NCKAP5: variants seen among roughly 807,000 people sequenced by gnomAD.
NCKAP5 encodes the protein NCK associated protein 5, also known as nck-associated protein 5.
In NCKAP5, 92 loss-of-function variants were observed where a neutral mutation model predicts 167.0. That is an observed-to-expected ratio of 0.55 (90% CI 0.47 to 0.66). The LOEUF (loss-of-function observed/expected upper bound fraction) is 0.66. Among genes scored for constraint, NCKAP5 ranks in the 30% least tolerant of loss-of-function variants. The pLI is 0.00. For missense variants in NCKAP5, 2,378 were observed against 2,315.0 expected (o/e 1.03, Z -0.56); for synonymous variants, 891 against 877.4 (o/e 1.02, Z -0.27).
chr2:133,630,131 A>T, the NCKAP5 span, among the ~76,000 whole-genome samples: 1 of 152,202 alleles, frequency 6.6e-6, no homozygotes, highest in African/African-American at 2.4e-5. Flanking sequence ...CATGGACCCC[A>T]GAACTTAAAG....
chr2:133,412,260 A>G (rs146664884), intron 3 of NCKAP5, among the ~76,000 whole-genome samples: 262 of 152,276 alleles, frequency 1.7e-3, no homozygotes, highest in African/African-American at 5.4e-3. Context: ...GGGGATAATG[A>G]AAGCAGCCAT....
At chr2:133,083,215 TAGAC>T in intron 6 of NCKAP5, among the ~76,000 whole-genome samples, 1 of 152,142 alleles carries the variant, frequency 6.6e-6, no homozygotes, top group Non-Finnish European at 1.5e-5. Flanking sequence ...ACTTGCATAT[TAGAC>T]AGGGCCAAAA....
At chr2:132,734,620 G>C (rs772336184) in intron 16 of NCKAP5, among the ~76,000 whole-genome samples, 1 of 152,138 alleles carries the variant, frequency 6.6e-6, no homozygotes, top group Admixed American at 6.5e-5. Context: ...AAAGTTTGGT[G>C]CTTATTACAG....
At chr2:133,430,333 C>T (rs1271876604) in intron 3 of NCKAP5, among the ~76,000 whole-genome samples, 1 of 152,062 alleles carries the variant, frequency 6.6e-6, no homozygotes, top group African/African-American at 2.4e-5. Context: ...TGTCTGTTTA[C>T]TCTGTTGAGA....
At chr2:133,198,399 G>C (rs572517514) in intron 5 of NCKAP5, among the ~76,000 whole-genome samples, 26 of 152,154 alleles carry the variant, frequency 1.7e-4, no homozygotes, top group Admixed American at 7.2e-4. Context: ...ATTGAAAATT[G>C]CCAGAGAAAG....
chr2:133,204,240 G>A (rs2085842455), intron 5 of NCKAP5, among the ~76,000 whole-genome samples: 1 of 151,954 alleles, frequency 6.6e-6, no homozygotes. Context: ...CTATCAGATT[G>A]ATACTGATAA....
rs564177782 is a variant in NCKAP5, at chr2:133,071,567, C to T, written c.341+58411G>A. Among the ~76,000 whole-genome samples the T allele has an allele frequency of 2.0e-5, 3 of 152,222 alleles. No individual in the cohort carries two copies. The South Asian group carries it at 6.2e-4, about 31-fold the overall frequency. On this transcript the variant is annotated intron_variant, in intron 6 of 19. Transcript: ENST00000409261. ...ATTCTTGCTAGTCAAATTCCACTTT[C>T]TAAAAGCCAGAGAAAATTCATGCAG...
At chr2:133,097,792 T>G (rs2081388696) in intron 6 of NCKAP5, among the ~76,000 whole-genome samples, 1 of 152,012 alleles carries the variant, frequency 6.6e-6, no homozygotes, top group African/African-American at 2.4e-5. Context: ...TGCTACGACA[T>G]AGAGAGGAAA....
At chr2:132,832,935 G>A (rs1270393354) in intron 11 of NCKAP5, among the ~76,000 whole-genome samples, 2 of 152,048 alleles carry the variant, frequency 1.3e-5, no homozygotes, top group Admixed American at 1.3e-4. Flanking sequence ...TTTATTTTTA[G>A]TTTTTAGAGT....
At chr2:133,447,986 T>C (rs1326538577) in intron 3 of NCKAP5, among the ~76,000 whole-genome samples, 1 of 152,030 alleles carries the variant, frequency 6.6e-6, no homozygotes, top group East Asian at 1.9e-4. Flanking sequence ...CTGCTGAGAG[T>C]ACCCATCAGA....
intron 3 of NCKAP5, among the ~76,000 whole-genome samples, chr2:133,340,552 G>A (rs1683504806): frequency 6.6e-6 from 1 of 151,994 alleles, no homozygotes; most frequent in East Asian, 1.9e-4. Context: ...AGTGGCTCTG[G>A]ATACCCCCTG....
chr2:133,267,249 GA>G (rs370322763), intron 4 of NCKAP5: 7,669 of 150,428 alleles, frequency 0.051, 275 homozygotes, highest in South Asian at 0.099. Context: ...TTCCTAGTAA[GA>G]AAAAAAAAAT....
intron 3 of NCKAP5, among the ~76,000 whole-genome samples, chr2:133,465,479 G>A (rs1220594695): frequency 6.6e-6 from 1 of 152,012 alleles, no homozygotes; most frequent in Admixed American, 6.5e-5. Context: ...ACGTGTGCAT[G>A]TGTCTTTATA....
intron 6 of NCKAP5, among the ~76,000 whole-genome samples, chr2:133,036,300 G>A (rs180935469): frequency 1.3e-5 from 2 of 151,850 alleles, no homozygotes; most frequent in Admixed American, 1.3e-4. Context: ...AGAAGAGGAG[G>A]GATTACTTCC....
Position 132,801,855 on chromosome 2 carries a change from T to A in NCKAP5, c.808-5126A>T, listed in dbSNP as rs554421050. Among the ~76,000 whole-genome samples the A allele has an allele frequency of 3.9e-5, 6 of 152,200 alleles. No individual in the cohort carries two copies. In the South Asian group the frequency reaches 1.2e-3, roughly 32 times the overall value. On this transcript the variant is annotated intron_variant, in intron 11 of 19. Coordinates refer to ENST00000409261, the MANE Select transcript of NCKAP5 (RefSeq NM_207363.3). ...TGTCCTTTATCTGGCAGGATGAAGG[T>A]GGAGTGGACCCTTCAGGGTGGTAGT...
intron 6 of NCKAP5, among the ~76,000 whole-genome samples, chr2:133,102,154 G>C (rs2081535200): frequency 1.3e-5 from 2 of 151,586 alleles, no homozygotes; most frequent in South Asian, 4.2e-4. Context: ...TTGTTTGTTT[G>C]CTTGGTTTTT....
At chr2:132,863,661 A>G (rs900755094) in intron 10 of NCKAP5, among the ~76,000 whole-genome samples, 7 of 152,182 alleles carry the variant, frequency 4.6e-5, no homozygotes, top group African/African-American at 1.7e-4. Context: ...CAGGGAAGAC[A>G]GAGGCTTTAG....
chr2:132,705,239 T>A (rs1558947089), intron 19 of NCKAP5, among the ~76,000 whole-genome samples: 1 of 151,732 alleles, frequency 6.6e-6, no homozygotes, highest in Non-Finnish European at 1.5e-5. Flanking sequence ...TCCATCAGCA[T>A]ACAATGTGTG....
intron 6 of NCKAP5, among the ~76,000 whole-genome samples, chr2:133,024,636 G>A (rs552136064): frequency 6.6e-6 from 1 of 152,284 alleles, no homozygotes; most frequent in South Asian, 2.1e-4. Flanking sequence ...AGCTGTGGAA[G>A]AAAGTAATTA....
Sources: gnomAD v4.1 joint callset for allele counts (sites outside exome capture counted in the v4.1 genomes callset) on GRCh38, gnomAD v4.1.1 for gene constraint, MANE v1.5 for transcripts, NCBI Gene and HGNC (gene_info 2026-07-23, HGNC 2026-07-21) for gene names.